The following CLPX variants were observed in gnomAD, a reference collection of about 807,000 sequenced individuals.
CLPX encodes caseinolytic mitochondrial matrix peptidase chaperone subunit X, also known as ATP-dependent clpX-like chaperone, mitochondrial.
CLPX carries 34 observed loss-of-function variants against 76.4 expected under a neutral mutation model. The ratio of observed to expected loss-of-function variants is 0.45; its 90% CI spans 0.34 to 0.59. The LOEUF is 0.59. Ranked by LOEUF, CLPX falls within the 20% of genes least tolerant of loss-of-function variation. The probability of loss-of-function intolerance (pLI) is 0.01; values close to 1 mark genes in which losing one functional copy is unlikely to be tolerated. For missense variants in CLPX, 613 were observed against 757.0 expected, an observed-to-expected ratio of 0.81 and a Z score of 2.23; for synonymous variants, 248 against 270.9, an observed-to-expected ratio of 0.92 and a Z score of 0.83.
At chr15:65,152,629 A>C (rs1052294559) in intron 12 of CLPX, 93 bp from the exon 13 acceptor site, 5 of 410,652 alleles carry the variant, frequency 1.2e-5, no homozygotes, top group African/African-American at 4.2e-5. Context: ...CATTCACTCA[A>C]GGAAAAAGAA....
At chr15:65,153,100 A>C (rs1429889089) in intron 12 of CLPX, among the ~76,000 whole-genome samples, 4 of 151,526 alleles carry the variant, frequency 2.6e-5, no homozygotes, top group Non-Finnish European at 5.9e-5. Context: ...TGTTGCAAAC[A>C]CCTTGAAGTT....
chr15:65,155,402 A>G (rs1275374088), intron 10 of CLPX, among the ~76,000 whole-genome samples: 2 of 152,056 alleles, frequency 1.3e-5, no homozygotes, highest in Non-Finnish European at 2.9e-5. Flanking sequence ...GGCACCCACC[A>G]CTACTCCTGG....
intron 3 of CLPX, among the ~76,000 whole-genome samples, chr15:65,173,488 A>G (rs1373910173): frequency 1.3e-5 from 2 of 152,260 alleles, no homozygotes; most frequent in Non-Finnish European, 1.5e-5. Context: ...AAAACAGTTT[A>G]GCAATTCTGT....
At position 65,175,537 on chromosome 15, in the gene CLPX, TGA is replaced by T. The variant is rs540434038; in HGVS notation, c.358+3395_358+3396del. Among the ~76,000 whole-genome samples, 549 of 152,210 alleles carry T rather than the reference TGA, an allele frequency of 3.6e-3. 2 individuals carry two copies. The highest frequency in any genetic ancestry group is 6.5e-3 in the Non-Finnish European group (439 of 67,996). On this transcript the variant is annotated intron_variant, in intron 3 of 13. Transcript: ENST00000300107. ...ACAAAAAACAAACAAAAAAACAGGCTGAGTTATCCCTTAACCAAAATGCACGG... is the reference window on the plus strand; with the variant it reads ...ACAAAAAACAAACAAAAAAACAGGCTGTTATCCCTTAACCAAAATGCACGG...
chr15:65,160,561 G>C (rs1272531682), intron 6 of CLPX, among the ~76,000 whole-genome samples: 2 of 150,176 alleles, frequency 1.3e-5, no homozygotes, highest in Admixed American at 6.7e-5. Context: ...CTTCAGATCA[G>C]CAAGGCCAGC....
rs1324061422 is a variant in CLPX at position 65,155,711 on chromosome 15, C to T, written c.1292G>A (p.Ser431Asn). The T allele has an allele frequency of 2.5e-6, 4 of 1,611,596 alleles. No homozygotes were observed. The highest frequency in any genetic ancestry group is 3.4e-6 in the Non-Finnish European group (4 of 1,178,928). Residue 431 changes from serine (S) to asparagine (N), a missense_variant, in exon 10 of 14, where the codon AGC becomes AAC. This residue lies in a region of CLPX where 450 missense variants were observed against 638.6 expected (regional missense o/e 0.70). Coordinates refer to ENST00000300107, the MANE Select transcript of CLPX (RefSeq NM_006660.5). ...ACTTACCTTTTCATTTTTCCTCCTG[C>T]TGATGATTCTGTCTAAACCATTGAA... ...GAFNGLDRII[S>N]RRKNEKYLGF... is the part of the protein sequence containing the mutation.
Position 65,148,855 on chromosome 15 carries a change from G to T in CLPX, c.*1968C>A, listed in dbSNP as rs2087684271. 6.6e-6 allele frequency: 1 copy of T among 151,834 alleles called. No homozygotes were observed. The highest frequency in any genetic ancestry group is 1.5e-5 in the Non-Finnish European group (1 of 67,966). The allele number at this position is 151,834 out of a possible 1,614,324, so 9.4% of individuals were successfully genotyped here. On this transcript the variant is annotated 3_prime_UTR_variant, in exon 14 of 14. Coordinates refer to ENST00000300107, the MANE Select transcript of CLPX (RefSeq NM_006660.5). ...GAAGGAAAGAAAAAAAGCTTAAAAGGTACCCAAATATTTTAATATTTATGG... is the reference window on the plus strand; with the variant it reads ...GAAGGAAAGAAAAAAAGCTTAAAAGTTACCCAAATATTTTAATATTTATGG...
intron 1 of CLPX, among the ~76,000 whole-genome samples, chr15:65,180,851 C>A (rs1200919411): frequency 6.6e-6 from 1 of 150,556 alleles, no homozygotes; most frequent in Non-Finnish European, 1.5e-5. Flanking sequence ...TTGCAGCGAA[C>A]TGAAGTCGTG....
At chr15:65,177,053 G>A (rs2088100252) in intron 3 of CLPX, among the ~76,000 whole-genome samples, 1 of 151,352 alleles carries the variant, frequency 6.6e-6, no homozygotes, top group Non-Finnish European at 1.5e-5. Context: ...TGTTTAGAAG[G>A]TTTTATCATC....
rs369530341 is a variant in CLPX at position 65,152,542 on chromosome 15, G to C, written c.1705-6C>G. On this transcript the variant is annotated splice_polypyrimidine_tract_variant and splice_region_variant and intron_variant, in intron 12 of 13. Transcript: ENST00000300107. ...GGTTCTAGTAACAGCTTTTCCTAAA[G>C]AAATAAAAAGTAATGAATCACATTG... is the stretch of plus-strand genomic sequence containing the variant. The C allele has an allele frequency of 5.5e-6, 8 of 1,448,562 alleles. No individual in the cohort carries two copies. Among genetic ancestry groups the C allele is most frequent in the Non-Finnish European group, 7.4e-6 (8 of 1,076,330 alleles). 89.7% of individuals were successfully genotyped at this position (1,448,562 alleles called of 1,614,324 possible).
At position 65,154,799 on chromosome 15, in the gene CLPX, A is replaced by C. The variant is rs1223989293; in HGVS notation, c.1594T>G (p.Leu532Val). The C allele has an allele frequency of 6.2e-6, 10 of 1,609,690 alleles. No individual in the cohort carries two copies. The highest frequency in any genetic ancestry group is 8.5e-6 in the Non-Finnish European group (10 of 1,176,186). The stretch of plus-strand genomic sequence containing the variant: ...AATCTAACCTTATCCATGCTGAATA[A>C]GGCCTGGTACTGAGGAATAACAGCA... ...RNAVIPQYQA[L>V]FSMDKCELNV... The change falls in exon 11 of 14, where the codon TTA (leucine) becomes GTA (valine). Residue 532 changes from leucine (L) to valine (V), a missense_variant. Leu to Val is a conservative substitution (Grantham distance 32). Transcript: ENST00000300107.
chr15:65,183,024 G>A (rs2088196391), intron 1 of CLPX, among the ~76,000 whole-genome samples: 4 of 151,960 alleles, frequency 2.6e-5, no homozygotes, highest in South Asian at 2.1e-4. Context: ...TTAGTGGGGC[G>A]TGGTGGCGCG....
In CLPX at chr15:65,155,062, G is replaced by C. The variant is rs1386298411; in HGVS notation, c.1331C>G (p.Pro444Arg). 1 of 1,612,740 alleles carries C rather than the reference G, an allele frequency of 6.2e-7. No homozygotes were observed. Among genetic ancestry groups the C allele is most frequent in the African/African-American group, 1.3e-5 (1 of 74,922 alleles). Residue 444 changes from proline to arginine, a missense_variant, in exon 11 of 14, where the codon CCA becomes CGA. Pro to Arg is a moderately radical substitution (Grantham distance 103, BLOSUM62 -2). This residue lies in a region of CLPX where 450 missense variants were observed against 638.6 expected (regional missense o/e 0.70). Transcript: ENST00000300107. ...KNEKYLGFGTPSNLGKGRRAA... is the reference protein window; with the variant it reads ...KNEKYLGFGTRSNLGKGRRAA... Reference sequence around the variant, plus strand: ...CCTTCTGCCTTTTCCCAGATTAGATGGTGTTCCAAATCCAAGATACTGCCA... The same window carrying C: ...CCTTCTGCCTTTTCCCAGATTAGATCGTGTTCCAAATCCAAGATACTGCCA...
intron 5 of CLPX, 65 bp downstream of exon 5, chr15:65,163,964 G>A: frequency 1.4e-6 from 2 of 1,417,788 alleles, no homozygotes; most frequent in Admixed American, 1.9e-5. Context: ...AAAGTGAGGA[G>A]TTACAAATAA....
Position 65,180,028 on chromosome 15 carries a change from A to T in CLPX, c.240+16T>A. The T allele has an allele frequency of 6.3e-7, 1 of 1,586,182 alleles. No individual in the cohort carries two copies. Among genetic ancestry groups the T allele is most frequent in the Non-Finnish European group, 8.6e-7 (1 of 1,163,592 alleles). On this transcript the variant is annotated intron_variant, in intron 2 of 13. Coordinates refer to ENST00000300107, the MANE Select transcript of CLPX (RefSeq NM_006660.5). Reference sequence around the variant, plus strand: ...ACTCACAATGTGTACAGATGCCAATAAGATAAAATAATTACCTTATTTCCA... The same window carrying T: ...ACTCACAATGTGTACAGATGCCAATTAGATAAAATAATTACCTTATTTCCA...
At chr15:65,168,383 C>G (rs1234391765) in intron 3 of CLPX, among the ~76,000 whole-genome samples, 1 of 35,666 alleles carries the variant, frequency 2.8e-5, no homozygotes, top group African/African-American at 1.3e-4. Flanking sequence ...GACTCTGTCT[C>G]AAAAAAAAAA....
chr15:65,161,357 G>A (rs976090543), intron 6 of CLPX, among the ~76,000 whole-genome samples: 5 of 152,072 alleles, frequency 3.3e-5, no homozygotes, highest in African/African-American at 1.2e-4. Context: ...CATGATTTTG[G>A]TCTAAAACCC....
intron 1 of CLPX, among the ~76,000 whole-genome samples, chr15:65,182,627 T>G (rs1457347531): frequency 1.3e-5 from 2 of 152,202 alleles, no homozygotes; most frequent in Non-Finnish European, 2.9e-5. Context: ...AAGGAAACGT[T>G]GTGTTTCAGT....
At chr15:65,161,492 T>G (rs1236216713) in intron 6 of CLPX, among the ~76,000 whole-genome samples, 1 of 148,756 alleles carries the variant, frequency 6.7e-6, no homozygotes, top group Non-Finnish European at 1.5e-5. Flanking sequence ...TTTGAAATAT[T>G]TGTTTCTAAG....
Sources: gnomAD v4.1 joint callset for allele counts (sites outside exome capture counted in the v4.1 genomes callset) on GRCh38, gnomAD v4.1.1 for gene constraint, gnomAD v4.1.1 regional missense constraint, MANE v1.5 for transcripts, NCBI Gene and HGNC (gene_info 2026-07-23, HGNC 2026-07-21) for gene names.